Variants in DNAAF1 observed in about 807,000 individuals in gnomAD.
DNAAF1 encodes the protein dynein axonemal assembly factor 1, also known as dynein assembly factor 1, axonemal.
Under a neutral mutation model 71.1 loss-of-function variants are expected in DNAAF1, and 65 were observed. The observed-to-expected ratio is 0.91, with a 90% confidence interval of 0.75 to 1.12. The LOEUF (loss-of-function observed/expected upper bound fraction) is 1.12. DNAAF1 is among the 50% of genes most tolerant of loss of function. The pLI is 0.00. For missense variants in DNAAF1, 1,178 were observed against 899.8 expected (o/e 1.31, Z -3.96); for synonymous variants, 414 against 354.6 (o/e 1.17, Z -1.88).
At chr16:84,145,774 C>G (rs1045822810) in intron 1 of DNAAF1, among the ~76,000 whole-genome samples, 8 of 152,346 alleles carry the variant, frequency 5.3e-5, no homozygotes, top group Non-Finnish European at 2.9e-5. Context: ...TTGCACCAAA[C>G]AGATAACCCT....
chr16:84,174,843 C>T, intron 10 of DNAAF1, 121 bp downstream of exon 10: 1 of 1,222,462 alleles, frequency 8.2e-7, no homozygotes. Flanking sequence ...GCATTGAATT[C>T]CCCCATATTC....
chr16:84,172,290 G>A lies in DNAAF1; in HGVS notation c.1559G>A (p.Gly520Asp), dbSNP rs758078183. 3.7e-6 allele frequency: 6 copies of A among 1,614,170 alleles called. No homozygotes were observed. The highest frequency in any genetic ancestry group is 1.1e-5 in the South Asian group (1 of 91,064). ...ACTCCCCAGGCTGTGGCCACTGAGG[G>A]TGTATTCGTTACAGAACTTGATGGA... ...EPTPQAVATE[G>D]VFVTELDGTR... Residue 520 changes from glycine to aspartate, a missense_variant, in exon 9 of 12, where the codon GGT (glycine) becomes GAT (aspartate). By Grantham distance (94) the Gly-to-Asp change is moderately conservative. Coordinates refer to ENST00000378553, the MANE Select transcript of DNAAF1 (RefSeq NM_178452.6).
At position 84,159,443 on chromosome 16, in the gene DNAAF1, G is replaced by T. The variant is rs555386318; in HGVS notation, c.742-232G>T. ...GTTCTGGAGGGACGATGAGATCTAA[G>T]ATCTGAAGTTCATGTGGAAGAAAGG... is the stretch of plus-strand genomic sequence containing the variant. On this transcript the variant is annotated intron_variant, in intron 5 of 11. Coordinates refer to ENST00000378553, the MANE Select transcript of DNAAF1 (RefSeq NM_178452.6). Among the ~76,000 whole-genome samples, 3 of 152,320 alleles carry T rather than the reference G, an allele frequency of 2.0e-5. No homozygotes were observed. In the East Asian group the frequency reaches 5.8e-4, roughly 29 times the overall value.
chr16:84,170,480 A>ATAATGGACACTAGTTATCTTGTTTTC lies in DNAAF1; in HGVS notation c.1528+127_1528+152dup, dbSNP rs1327635745. On this transcript the variant is annotated intron_variant, in intron 8 of 11. Coordinates refer to ENST00000378553, the MANE Select transcript of DNAAF1 (RefSeq NM_178452.6). ...TCTTCTGTATTGCTGTTTCTAGAAG[A>ATAATGGACACTAGTTATCTTGTTTTC]TAATGGACACTAGTTATCTTGTTTT... 5.5e-6 allele frequency: 8 copies of ATAATGGACACTAGTTATCTTGTTTTC among 1,454,752 alleles called. No individual in the cohort carries two copies. In the African/African-American group the frequency reaches 1.1e-4, roughly 20 times the overall value. 90.1% of individuals were successfully genotyped at this position (1,454,752 alleles called of 1,614,324 possible).
intron 4 of DNAAF1, 61 bp from the exon 5 acceptor site, chr16:84,155,522 G>A: frequency 6.3e-6 from 10 of 1,577,756 alleles, no homozygotes; most frequent in South Asian, 2.2e-5. Context: ...GAACCACTGT[G>A]CCTGGCCCAA....
rs144654179 is a variant in DNAAF1, at chr16:84,155,712, C to G, written c.704C>G (p.Pro235Arg). The change falls in exon 5 of 12, where the codon CCG (proline) becomes CGG (arginine). Residue 235 changes from proline (P) to arginine (R), a missense_variant. Physicochemically the swap from Pro to Arg is moderately radical, Grantham distance 103. Transcript: ENST00000378553. ...CTTTCGCACAACAAGCTGAGTGACC[C>G]GGAGATCCTGAGCATTCTGGAAAGC... is the stretch of plus-strand genomic sequence containing the variant. ...LDLSHNKLSDPEILSILESMP... is the reference protein window; with the variant it reads ...LDLSHNKLSDREILSILESMP... 1.2e-6 allele frequency: 2 copies of G among 1,613,932 alleles called. No homozygotes were observed. The highest frequency in any genetic ancestry group is 1.1e-5 in the South Asian group (1 of 91,078).
rs553726013 is a variant in DNAAF1, at chr16:84,153,977, G to T, written c.353-600G>T. On this transcript the variant is annotated intron_variant, in intron 3 of 11. Coordinates refer to ENST00000378553, the MANE Select transcript of DNAAF1 (RefSeq NM_178452.6). ...GCAAGACCCCCTAGGATTCATCAAA[G>T]TTCGCCTTGCTTGGCTAAGTGTGGC... is the stretch of plus-strand genomic sequence containing the variant. Among the ~76,000 whole-genome samples the T allele has an allele frequency of 1.2e-4, 19 of 152,220 alleles. No homozygotes were observed. The East Asian group carries it at 3.3e-3, about 26-fold the overall frequency.
At chr16:84,147,324 C>T (rs1349681059) in intron 1 of DNAAF1, among the ~76,000 whole-genome samples, 2 of 152,200 alleles carry the variant, frequency 1.3e-5, no homozygotes, top group African/African-American at 4.8e-5. Context: ...CCCACACGCA[C>T]AGCCTTTAGT....
intron 10 of DNAAF1, 59 bp downstream of exon 10, chr16:84,174,781 C>T (rs1369825431): frequency 4.4e-6 from 7 of 1,603,674 alleles, no homozygotes; most frequent in African/African-American, 1.3e-5. Flanking sequence ...TCGTTCTTGT[C>T]GTTTACCGTT....
At chr16:84,148,361 T>A (rs2087011952) in intron 1 of DNAAF1, among the ~76,000 whole-genome samples, 1 of 152,126 alleles carries the variant, frequency 6.6e-6, no homozygotes, top group South Asian at 2.1e-4. Flanking sequence ...TTCTCAAAGG[T>A]AGAAAAGCAA....
At chr16:84,171,162 G>T (rs774575809) in intron 8 of DNAAF1, among the ~76,000 whole-genome samples, 6 of 152,108 alleles carry the variant, frequency 3.9e-5, no homozygotes, top group African/African-American at 1.4e-4. Context: ...CAGGCCTTGC[G>T]AGGTGGCTCA....
chr16:84,148,315 A>G (rs2087010060), intron 1 of DNAAF1, among the ~76,000 whole-genome samples: 1 of 152,130 alleles, frequency 6.6e-6, no homozygotes, highest in African/African-American at 2.4e-5. Flanking sequence ...GTTTCTGAGA[A>G]TTATCCCTAT....
rs1468428100 is a variant in DNAAF1, at chr16:84,176,097, C to G, written c.1863C>G (p.Phe621Leu). 1 of 1,613,912 alleles carries G rather than the reference C, an allele frequency of 6.2e-7. No homozygotes were observed. Residue 621 changes from phenylalanine to leucine, a missense_variant, in exon 11 of 12, where the codon TTC becomes TTG. By Grantham distance (22) the Phe-to-Leu change is conservative. Transcript: ENST00000378553. Reference sequence around the variant, plus strand: ...CCTCAAAGGCGGCTCGGGTGCCCTTCACAGACATCTTTAAAAAAGAAGCTA... The same window carrying G: ...CCTCAAAGGCGGCTCGGGTGCCCTTGACAGACATCTTTAAAAAAGAAGCTA... ...KDTSKAARVP[F>L]TDIFKKEAKR...
chr16:84,154,769 A>G lies in DNAAF1; in HGVS notation c.545A>G (p.Asn182Ser). The G allele has an allele frequency of 6.2e-7, 1 of 1,614,162 alleles. No individual in the cohort carries two copies. The highest frequency in any genetic ancestry group is 8.5e-7 in the Non-Finnish European group (1 of 1,180,000). ...AAACTGGATGCTCTTAACCTCAGCA[A>G]CAATTACATCAAGACCATTGAAAAC... ...LQKLDALNLS[N>S]NYIKTIENLS... The change falls in exon 4 of 12, where the codon AAC becomes AGC. Residue 182 changes from asparagine (N) to serine (S), a missense_variant. Coordinates refer to ENST00000378553, the MANE Select transcript of DNAAF1 (RefSeq NM_178452.6).
intron 1 of DNAAF1, among the ~76,000 whole-genome samples, chr16:84,148,778 T>C (rs138738486): frequency 4.4e-4 from 67 of 150,956 alleles, no homozygotes; most frequent in Middle Eastern, 3.4e-3. Context: ...TTTGTAGAGA[T>C]GGGGTTTTGT....
intron 3 of DNAAF1, 56 bp downstream of exon 3, chr16:84,150,398 G>A (rs945018249): frequency 7.1e-7 from 1 of 1,409,088 alleles, no homozygotes; most frequent in Non-Finnish European, 1.0e-6. Flanking sequence ...CTGTCTAGCG[G>A]TATAAAAAAT....
chr16:84,177,627 T>G (rs778739289), intron 11 of DNAAF1, 102 bp from the exon 12 acceptor site: 2 of 969,648 alleles, frequency 2.1e-6, no homozygotes, highest in East Asian at 4.8e-5. Flanking sequence ...CCACGCCCAG[T>G]TGAGGACACT....
At chr16:84,158,090 AG>A (rs1208826297) in intron 5 of DNAAF1, among the ~76,000 whole-genome samples, 4 of 152,098 alleles carry the variant, frequency 2.6e-5, no homozygotes, top group Non-Finnish European at 5.9e-5. Flanking sequence ...CTGTAGTCCC[AG>A]CTACTCTGGT....
chr16:84,163,048 C>T (rs2087790494), intron 6 of DNAAF1, among the ~76,000 whole-genome samples: 1 of 152,244 alleles, frequency 6.6e-6, no homozygotes, highest in East Asian at 1.9e-4. Context: ...TACTTCATTC[C>T]TTTTTATTGC....
Sources: allele counts gnomAD v4.1 joint callset (sites outside exome capture counted in the v4.1 genomes callset), GRCh38; gene constraint gnomAD v4.1.1; transcripts MANE v1.5; gene names NCBI Gene and HGNC (gene_info 2026-07-23, HGNC 2026-07-21).